The following FAT3 variants were observed in gnomAD, a reference collection of about 807,000 sequenced individuals.
FAT3 encodes FAT atypical cadherin 3.
A neutral mutation model predicts 310.2 loss-of-function variants in FAT3; 95 were observed. The ratio of observed to expected loss-of-function variants is 0.31; its 90% CI spans 0.26 to 0.36. The LOEUF (loss-of-function observed/expected upper bound fraction) is 0.36. FAT3 is among the 10% of genes least tolerant of loss of function. FAT3 has a pLI of 1.00. For missense variants in FAT3, 5,408 were observed against 5,715.6 expected, an observed-to-expected ratio of 0.95 and a Z score of 1.74; for synonymous variants, 2,314 against 2,192.9, an observed-to-expected ratio of 1.06 and a Z score of -1.54.
At chr11:92,294,005 A>G (rs1946779824) in intron 1 of FAT3, among the ~76,000 whole-genome samples, 2 of 151,984 alleles carry the variant, frequency 1.3e-5, no homozygotes, top group Non-Finnish European at 2.9e-5. Flanking sequence ...CATCTTAGTC[A>G]TCTTGGGCTG....
chr11:92,441,289 T>C (rs574540418), intron 2 of FAT3, among the ~76,000 whole-genome samples: 98 of 152,228 alleles, frequency 6.4e-4, no homozygotes, highest in Non-Finnish European at 1.3e-4. Flanking sequence ...GTGGCTGTTT[T>C]GGCAGCAGGA....
intron 3 of FAT3, among the ~76,000 whole-genome samples, chr11:92,549,217 T>C (rs1954720032): frequency 6.6e-6 from 1 of 152,196 alleles, no homozygotes; most frequent in African/African-American, 2.4e-5. Context: ...CATTTTTTCT[T>C]GTCCTGGATA....
rs1183957916 is a variant in FAT3 at position 92,555,246 on chromosome 11, A to G, written c.3607+30298A>G. 2.6e-5 allele frequency among the ~76,000 whole-genome samples: 4 copies of G among 152,342 alleles called. No individual in the cohort carries two copies. The East Asian group carries it at 7.7e-4, about 29-fold the overall frequency. On this transcript the variant is annotated intron_variant, in intron 3 of 27. Coordinates refer to ENST00000525166, the MANE Select transcript of FAT3 (RefSeq NM_001367949.2). ...GCGATTCTGTGATTGTCACTACAATAATGTAATAGGGATTGTATTGCAGCA... is the reference window on the plus strand; with the variant it reads ...GCGATTCTGTGATTGTCACTACAATGATGTAATAGGGATTGTATTGCAGCA...
chr11:92,334,541 A>G (rs1024836763), intron 1 of FAT3, among the ~76,000 whole-genome samples: 1 of 150,668 alleles, frequency 6.6e-6, no homozygotes, highest in Non-Finnish European at 1.5e-5. Context: ...AGACTGATCT[A>G]TTGCCTAGGG....
intron 2 of FAT3, among the ~76,000 whole-genome samples, chr11:92,359,149 C>T (rs1041001860): frequency 1.3e-5 from 2 of 152,240 alleles, no homozygotes; most frequent in East Asian, 1.9e-4. Flanking sequence ...AGCATTTCCT[C>T]CTCATGTGGT....
At chr11:92,785,123 G>A (rs1481268148) in intron 7 of FAT3, among the ~76,000 whole-genome samples, 2 of 151,960 alleles carry the variant, frequency 1.3e-5, no homozygotes, top group African/African-American at 2.4e-5. Context: ...AAGTTATCCC[G>A]GCATAGAGGT....
In FAT3 at chr11:92,354,752, T is replaced by C. The variant is rs753962506; in HGVS notation, c.2640T>C (p.Asn880=). The C allele has an allele frequency of 1.1e-4, 176 of 1,613,806 alleles. No homozygotes were observed. The highest frequency in any genetic ancestry group is 3.6e-4 in the East Asian group (16 of 44,892). ...VLTDTQQFAI[N]SSTGIVYVAD... ...CAGATACACAGCAGTTTGCCATCAA[T>C]AGCTCAACTGGAATCGTTTATGTAG... Residue 880 remains asparagine, a synonymous_variant, in exon 2 of 28, where the codon AAT becomes AAC. Coordinates refer to ENST00000525166, the MANE Select transcript of FAT3 (RefSeq NM_001367949.2).
At chr11:92,657,703 C>G (rs1450564478) in intron 3 of FAT3, among the ~76,000 whole-genome samples, 1 of 152,214 alleles carries the variant, frequency 6.6e-6, no homozygotes, top group Non-Finnish European at 1.5e-5. Context: ...TGAATACTTT[C>G]AAATATTTCA....
intron 1 of FAT3, among the ~76,000 whole-genome samples, chr11:92,295,291 G>A (rs1266478769): frequency 1.3e-5 from 2 of 152,104 alleles, no homozygotes; most frequent in Non-Finnish European, 2.9e-5. Context: ...GGTTCACAGA[G>A]CCTGCCAAGA....
intron 21 of FAT3, among the ~76,000 whole-genome samples, chr11:92,864,921 A>G (rs1949200772): frequency 6.6e-6 from 1 of 152,222 alleles, no homozygotes; most frequent in Non-Finnish European, 1.5e-5. Context: ...AGAGCAAAGT[A>G]TGTATGTTCT....
At chr11:92,568,037 T>C (rs1449480034) in intron 3 of FAT3, among the ~76,000 whole-genome samples, 3 of 151,770 alleles carry the variant, frequency 2.0e-5, no homozygotes, top group Non-Finnish European at 4.4e-5. Flanking sequence ...AACTTAAAAG[T>C]ATAATAATAA....
At chr11:92,741,625 A>G (rs1170853875) in intron 4 of FAT3, among the ~76,000 whole-genome samples, 1 of 152,228 alleles carries the variant, frequency 6.6e-6, no homozygotes, top group Non-Finnish European at 1.5e-5. Flanking sequence ...GTTTGAACCT[A>G]TTTAAGTCTA....
intron 2 of FAT3, among the ~76,000 whole-genome samples, chr11:92,470,512 C>A (rs938348480): frequency 6.6e-6 from 1 of 152,168 alleles, no homozygotes; most frequent in Non-Finnish European, 1.5e-5. Context: ...AATTGCCTTT[C>A]CCATCTCTTG....
rs1947305575 is a variant in FAT3 at position 92,800,430 on chromosome 11, G to A, written c.7417G>A (p.Asp2473Asn). The A allele has an allele frequency of 6.2e-7, 1 of 1,613,888 alleles. No homozygotes were observed. Among genetic ancestry groups the A allele is most frequent in the Non-Finnish European group, 8.5e-7 (1 of 1,179,892 alleles). Residue 2473 changes from aspartate to asparagine, a missense_variant, in exon 10 of 28, where the codon GAT (aspartate) becomes AAT (asparagine). Physicochemically the swap from Asp to Asn is conservative, Grantham distance 23. Around this residue, in one of 5 missense-constraint regions of FAT3, gnomAD observed 4,588 missense variants for 4,809.8 expected, o/e 0.95. Transcript: ENST00000525166. ...GTACAGTCTCAATGTGTCTGTCTCT[G>A]ATGGGTTGTTCACCAGCACTGCACA... The part of the protein sequence containing the change: ...PLYSLNVSVS[D>N]GLFTSTAQVH...
At position 92,764,899 on chromosome 11, in the gene FAT3, G is replaced by A. The variant is rs1946263456; in HGVS notation, c.4005G>A (p.Gly1335=). ...DILTIKAVDN[G]RPQKSSTARL... ...AGTAGATAAAGGCAGTGGACAATGGGCGCCCACAGAAATCCTCCACGGCCC... is the reference window on the plus strand; with the variant it reads ...AGTAGATAAAGGCAGTGGACAATGGACGCCCACAGAAATCCTCCACGGCCC... The change falls in exon 6 of 28, where the codon GGG becomes GGA. Residue 1335 remains glycine, a synonymous_variant. Transcript: ENST00000525166. The A allele has an allele frequency of 1.2e-6, 2 of 1,613,684 alleles. No individual in the cohort carries two copies. Among genetic ancestry groups the A allele is most frequent in the Non-Finnish European group, 1.7e-6 (2 of 1,179,740 alleles).
chr11:92,631,154 T>C (rs879419986), intron 3 of FAT3, among the ~76,000 whole-genome samples: 9 of 152,226 alleles, frequency 5.9e-5, no homozygotes, highest in Non-Finnish European at 1.3e-4. Context: ...TTAAAAGTGA[T>C]CTAGCTCTAG....
intron 21 of FAT3, 107 bp downstream of exon 21, chr11:92,859,429 C>G: frequency 8.6e-7 from 1 of 1,160,604 alleles, no homozygotes; most frequent in South Asian, 2.0e-5. Context: ...TTCAGAAGAC[C>G]AGAAGCAGAC....
rs1460702241 is a variant in FAT3 at position 92,883,158 on chromosome 11, C to T, written c.12702C>T (p.Pro4234=). ...GGCCCCCGCAGGTCCCCGTGCGCCC[C>T]ATGGCCTACACACCCTGCTTCCAGA... ...EVGPPQVPVR[P]MAYTPCFQSD... The change falls in exon 24 of 28, where the codon CCC becomes CCT. Residue 4234 remains proline, a synonymous_variant. Transcript: ENST00000525166. The surrounding 1 kb of genome is among the most constrained non-coding windows in gnomAD (Gnocchi z 4.2). 3 of 1,613,582 alleles carry T rather than the reference C, an allele frequency of 1.9e-6. No homozygotes were observed. In the East Asian group the frequency reaches 6.7e-5, roughly 36 times the overall value.
At chr11:92,710,994 G>T (rs1944501678) in intron 4 of FAT3, among the ~76,000 whole-genome samples, 1 of 152,148 alleles carries the variant, frequency 6.6e-6, no homozygotes, top group Non-Finnish European at 1.5e-5. Context: ...TGAGAATCAT[G>T]TAACTATGAT....
Sources: gnomAD v4.1 joint callset for allele counts (sites outside exome capture counted in the v4.1 genomes callset) on GRCh38, gnomAD v4.1.1 for gene constraint, gnomAD v4.1.1 regional missense constraint, Gnocchi (gnomAD v3.1) non-coding constraint, MANE v1.5 for transcripts, NCBI Gene and HGNC (gene_info 2026-07-23, HGNC 2026-07-21) for gene names.